The following HDAC9 variants were observed in gnomAD, a reference collection of about 807,000 sequenced individuals.
HDAC9 encodes histone deacetylase 9.
Under a neutral mutation model 139.4 loss-of-function variants are expected in HDAC9, and 41 were observed. That is an observed-to-expected ratio of 0.29 (90% CI 0.23 to 0.38). The LOEUF is 0.38. Ranked by LOEUF, HDAC9 falls within the 10% of genes least tolerant of loss-of-function variation. The pLI is 1.00. For missense variants in HDAC9, 1,147 were observed against 1,297.0 expected (o/e 0.88, Z 1.78); for synonymous variants, 517 against 476.2 (o/e 1.09, Z -1.12).
chr7:18,687,796 A>AT (rs1209187760), intron 12 of HDAC9, among the ~76,000 whole-genome samples: 9 of 151,814 alleles, frequency 5.9e-5, no homozygotes. Context: ...AGATGGACAT[A>AT]TTTTATTATG....
chr7:18,153,595 T>C (rs888710186), intron 1 of HDAC9, among the ~76,000 whole-genome samples: 1 of 152,154 alleles, frequency 6.6e-6, no homozygotes, highest in African/African-American at 2.4e-5. Flanking sequence ...TGGGGAGGGT[T>C]GCAAAGGGAG....
intron 2 of HDAC9, among the ~76,000 whole-genome samples, chr7:18,255,660 G>A (rs1464140796): frequency 1.8e-4 from 21 of 116,016 alleles, no homozygotes; most frequent in African/African-American, 7.1e-4. Context: ...ATGGAGTCTC[G>A]CCCTGTTGCC....
At chr7:18,768,193 C>A (rs973303194) in intron 16 of HDAC9, among the ~76,000 whole-genome samples, 5 of 152,108 alleles carry the variant, frequency 3.3e-5, no homozygotes, top group African/African-American at 7.2e-5. Flanking sequence ...CACCATTTTG[C>A]AAATGAGAAA....
intron 2 of HDAC9, among the ~76,000 whole-genome samples, chr7:18,503,665 C>A (rs1321083380): frequency 6.6e-6 from 1 of 152,106 alleles, no homozygotes; most frequent in African/African-American, 2.4e-5. Context: ...ATTTACCAAA[C>A]CACAGAGTGT....
intron 4 of HDAC9, 90 bp downstream of exon 4, chr7:18,590,576 G>T (rs2128821159): frequency 7.6e-7 from 1 of 1,317,598 alleles, no homozygotes; most frequent in Non-Finnish European, 1.0e-6. Flanking sequence ...AGTGCGGTTA[G>T]ACTCGTCAAA....
chr7:18,987,319 G>A (rs913195595), intron 25 of HDAC9, among the ~76,000 whole-genome samples: 1 of 152,188 alleles, frequency 6.6e-6, no homozygotes, highest in Non-Finnish European at 1.5e-5. Flanking sequence ...CATCTATTGA[G>A]ATTATCATGT....
intron 2 of HDAC9, among the ~76,000 whole-genome samples, chr7:18,250,694 C>A (rs1195597288): frequency 6.6e-6 from 1 of 152,168 alleles, no homozygotes; most frequent in African/African-American, 2.4e-5. Context: ...TGAGGAATCA[C>A]CACACTGTCT....
chr7:18,427,073 A>G (rs947664278), intron 1 of HDAC9, among the ~76,000 whole-genome samples: 3 of 152,178 alleles, frequency 2.0e-5, no homozygotes, highest in African/African-American at 7.2e-5. Context: ...GATCCTTCAT[A>G]CAATTAACTT....
chr7:18,705,233 C>G lies in HDAC9; in HGVS notation c.1732-22347C>G, dbSNP rs140668835. On this transcript the variant is annotated intron_variant, in intron 12 of 25. Transcript: ENST00000686413. ...ACTACTGACTTGCCAAAATGTCAGC[C>G]CCTTGATTCCCCATTGCGGGAGCTC... Among the ~76,000 whole-genome samples the G allele has an allele frequency of 3.3e-5, 5 of 152,190 alleles. No homozygotes were observed. The East Asian group carries it at 9.7e-4, about 29-fold the overall frequency.
chr7:18,940,830 C>A (rs1484152633), intron 23 of HDAC9, among the ~76,000 whole-genome samples: 1 of 152,112 alleles, frequency 6.6e-6, no homozygotes, highest in Non-Finnish European at 1.5e-5. Flanking sequence ...AAGCTTTAAG[C>A]AGTTGCCATT....
chr7:18,816,782 CTG>C (rs1367430909), intron 17 of HDAC9, among the ~76,000 whole-genome samples: 1 of 152,198 alleles, frequency 6.6e-6, no homozygotes, highest in Non-Finnish European at 1.5e-5. Flanking sequence ...AACAAAGACA[CTG>C]TGTTTAATTT....
intron 24 of HDAC9, among the ~76,000 whole-genome samples, chr7:18,968,066 G>A (rs926216912): frequency 6.6e-6 from 1 of 152,138 alleles, no homozygotes; most frequent in Non-Finnish European, 1.5e-5. Context: ...GGAGGCCGAG[G>A]CAAGAGAATC....
chr7:18,400,307 A>G (rs1254093380), intron 1 of HDAC9, among the ~76,000 whole-genome samples: 1 of 152,222 alleles, frequency 6.6e-6, no homozygotes, highest in East Asian at 1.9e-4. Flanking sequence ...GTAAGGGTAG[A>G]AATACGTAAA....
At chr7:18,279,762 G>A (rs1796981083) in intron 2 of HDAC9, among the ~76,000 whole-genome samples, 1 of 152,052 alleles carries the variant, frequency 6.6e-6, no homozygotes, top group Admixed American at 6.6e-5. Context: ...ACCATGCCCA[G>A]CCACATTTAC....
chr7:18,748,916 C>CT, intron 13 of HDAC9, 89 bp from the exon 14 acceptor site: 1 of 1,229,522 alleles, frequency 8.1e-7, no homozygotes, highest in East Asian at 2.5e-5. Flanking sequence ...AGAATAATGA[C>CT]TTTTTTGGAG....
intron 17 of HDAC9, among the ~76,000 whole-genome samples, chr7:18,801,708 G>A (rs1341488514): frequency 2.0e-5 from 3 of 151,948 alleles, no homozygotes; most frequent in African/African-American, 4.8e-5. Flanking sequence ...ACAGAGCCTT[G>A]TTATTTAGGA....
intron 1 of HDAC9, among the ~76,000 whole-genome samples, chr7:18,417,109 G>A (rs1789145206): frequency 6.6e-6 from 1 of 152,112 alleles, no homozygotes; most frequent in Non-Finnish European, 1.5e-5. Context: ...AGGGCCCACT[G>A]ACTTTTTATT....
At chr7:18,855,160 A>G (rs1178928939) in intron 21 of HDAC9, among the ~76,000 whole-genome samples, 1 of 152,146 alleles carries the variant, frequency 6.6e-6, no homozygotes, top group Non-Finnish European at 1.5e-5. Flanking sequence ...TGTCTCTATC[A>G]CACAACCAAT....
chr7:18,468,231 A>G (rs1794452340), intron 1 of HDAC9, among the ~76,000 whole-genome samples: 1 of 151,956 alleles, frequency 6.6e-6, no homozygotes, highest in African/African-American at 2.4e-5. Flanking sequence ...TGAAATTTAA[A>G]CTCCTCCTTG....
Sources: gnomAD v4.1 joint callset for allele counts (sites outside exome capture counted in the v4.1 genomes callset) on GRCh38, gnomAD v4.1.1 for gene constraint, MANE v1.5 for transcripts, NCBI Gene and HGNC (gene_info 2026-07-23, HGNC 2026-07-21) for gene names.